The following RPRD1B variants were observed in gnomAD, a reference collection of about 807,000 sequenced individuals.
RPRD1B encodes regulation of nuclear pre-mRNA domain-containing protein 1B.
In RPRD1B, 11 loss-of-function variants were observed where a neutral mutation model predicts 41.5. The observed-to-expected ratio is 0.27, with a 90% CI of 0.17 to 0.44. RPRD1B has a LOEUF of 0.44. Among genes scored for constraint, RPRD1B ranks in the 20% least tolerant of loss-of-function variants. The pLI, the probability that RPRD1B is intolerant of heterozygous loss-of-function variation, is 1.00. For synonymous variants in RPRD1B, 158 were observed against 155.6 expected (o/e 1.02, Z -0.12); for missense variants, 248 against 389.9 (o/e 0.64, Z 3.06).
chr20:38,070,823 C>G, intron 6 of RPRD1B: 2 of 760,988 alleles, frequency 2.6e-6, no homozygotes, highest in Non-Finnish European at 3.2e-6. Flanking sequence ...TCACTGCCTC[C>G]CGGGTTCAAG....
chr20:38,087,477 G>C (rs1263486414), intron 6 of RPRD1B, among the ~76,000 whole-genome samples: 1 of 152,124 alleles, frequency 6.6e-6, no homozygotes, highest in Non-Finnish European at 1.5e-5. Context: ...CAACTGAAGG[G>C]CTCCCTAGTT....
intron 6 of RPRD1B, among the ~76,000 whole-genome samples, chr20:38,086,167 T>G (rs887184761): frequency 6.7e-6 from 1 of 148,906 alleles, no homozygotes; most frequent in Non-Finnish European, 1.5e-5. Context: ...TACAGATGAC[T>G]TTGTTTGGAA....
At chr20:38,068,147 T>G (rs2074376064) in intron 6 of RPRD1B, among the ~76,000 whole-genome samples, 1 of 152,206 alleles carries the variant, frequency 6.6e-6, no homozygotes, top group South Asian at 2.1e-4. Flanking sequence ...AGAAACAGAT[T>G]AGAGCTTTGG....
Position 38,091,402 on chromosome 20 carries a change from GA to G in RPRD1B, c.*1531del. 1.0e-6 allele frequency: 1 copy of G among 985,398 alleles called. No homozygotes were observed. Among genetic ancestry groups the G allele is most frequent in the East Asian group, 1.1e-4 (1 of 8,810 alleles). The allele number at this position is 985,398 out of a possible 1,614,324, so 61.0% of individuals were successfully genotyped here. On this transcript the variant is annotated 3_prime_UTR_variant, in exon 7 of 7. Coordinates refer to ENST00000373433, the MANE Select transcript of RPRD1B (RefSeq NM_021215.4). ...CTGCTTGTCATGAAGTGAGAACAAT[GA>G]AAAGTCATAGCAGATACTCAGTTTA...
Position 38,090,176 on chromosome 20 carries a change from G to A in RPRD1B, c.*301G>A. 1 of 1,060,252 alleles carries A rather than the reference G, an allele frequency of 9.4e-7. No individual in the cohort carries two copies. Among genetic ancestry groups the A allele is most frequent in the Non-Finnish European group, 1.1e-6 (1 of 878,144 alleles). The allele number at this position is 1,060,252 out of a possible 1,614,324, so 65.7% of individuals were successfully genotyped here. A position where few individuals can be genotyped will look rare whatever the true frequency, so the allele number is the denominator to read the frequency against. ...TTCTTAACTGTCTCCTTATACCTAA[G>A]AAGTTATGAAAATCATGTGTACTTC... On this transcript the variant is annotated 3_prime_UTR_variant, in exon 7 of 7. Coordinates refer to ENST00000373433, the MANE Select transcript of RPRD1B (RefSeq NM_021215.4).
chr20:38,038,499 T>TGTTG (rs1211343307), intron 1 of RPRD1B, among the ~76,000 whole-genome samples: 1 of 136,412 alleles, frequency 7.3e-6, no homozygotes, highest in Admixed American at 7.2e-5. Context: ...TGTTTTTTTT[T>TGTTG]TTTTTTTTTT....
intron 6 of RPRD1B, among the ~76,000 whole-genome samples, chr20:38,084,090 C>A (rs2074538972): frequency 6.7e-6 from 1 of 150,114 alleles, no homozygotes; most frequent in Non-Finnish European, 1.5e-5. Flanking sequence ...AGTGTAGGTC[C>A]TGTGGCTTTA....
chr20:38,057,354 T>C (rs961253470), intron 3 of RPRD1B, among the ~76,000 whole-genome samples, 178 bp from the exon 4 acceptor site: 1 of 152,206 alleles, frequency 6.6e-6, no homozygotes, highest in African/African-American at 2.4e-5. Context: ...TTTGACTCTT[T>C]TCAGTAATGT....
At chr20:38,081,059 T>G (rs2074507968) in intron 6 of RPRD1B, among the ~76,000 whole-genome samples, 1 of 152,226 alleles carries the variant, frequency 6.6e-6, no homozygotes, top group South Asian at 2.1e-4. Context: ...TTTTTGTTAG[T>G]AGATGCTGTG....
At chr20:38,051,578 C>T (rs1600401188) in intron 3 of RPRD1B, among the ~76,000 whole-genome samples, 1 of 152,126 alleles carries the variant, frequency 6.6e-6, no homozygotes, top group East Asian at 1.9e-4. Flanking sequence ...TGGTAAGTGG[C>T]GAATTCCCAG....
intron 3 of RPRD1B, among the ~76,000 whole-genome samples, chr20:38,054,341 C>T (rs1399114315): frequency 6.6e-6 from 1 of 152,116 alleles, no homozygotes; most frequent in Non-Finnish European, 1.5e-5. Flanking sequence ...TAGGAGGAAA[C>T]TGGAAAAATA....
At chr20:38,083,870 C>A (rs1232523143) in intron 6 of RPRD1B, 1 of 152,242 alleles carries the variant, frequency 6.6e-6, no homozygotes, top group Middle Eastern at 3.4e-3. Flanking sequence ...TGTGTCATTT[C>A]GAAACGTCAC....
chr20:38,067,368 TAGAG>T (rs1271343161), intron 6 of RPRD1B, among the ~76,000 whole-genome samples: 1 of 152,206 alleles, frequency 6.6e-6, no homozygotes, highest in African/African-American at 2.4e-5. Context: ...ACTTCTGAGT[TAGAG>T]AGCCAGTCAT....
intron 1 of RPRD1B, among the ~76,000 whole-genome samples, chr20:38,037,794 C>G (rs138100906): frequency 6.6e-6 from 1 of 151,782 alleles, no homozygotes; most frequent in East Asian, 1.9e-4. Flanking sequence ...CCTTGTTTGT[C>G]TACTGAGAAG....
chr20:38,042,833 A>G (rs2074080763), intron 2 of RPRD1B, among the ~76,000 whole-genome samples: 1 of 151,734 alleles, frequency 6.6e-6, no homozygotes, highest in Non-Finnish European at 1.5e-5. Context: ...TTTTATGATA[A>G]AAGACACCTC....
chr20:38,080,866 G>A (rs1267390621), intron 6 of RPRD1B, among the ~76,000 whole-genome samples: 1 of 152,068 alleles, frequency 6.6e-6, no homozygotes, highest in Non-Finnish European at 1.5e-5. Context: ...CTGTTCCATT[G>A]GTCTTTGTAT....
chr20:38,090,261 T>A lies in RPRD1B; in HGVS notation c.*386T>A. On this transcript the variant is annotated 3_prime_UTR_variant, in exon 7 of 7. Transcript: ENST00000373433. The stretch of plus-strand genomic sequence containing the variant: ...AGCATTTTATCATGAAAGCAGCTTC[T>A]CCTTTCTGGGCTGGGCTTGTTCAAG... The A allele has an allele frequency of 2.0e-6, 2 of 991,258 alleles. No homozygotes were observed. The allele number at this position is 991,258 out of a possible 1,614,324, so 61.4% of individuals were successfully genotyped here.
At chr20:38,062,781 C>T (rs1033343837) in intron 5 of RPRD1B, among the ~76,000 whole-genome samples, 3 of 150,058 alleles carry the variant, frequency 2.0e-5, no homozygotes, top group Non-Finnish European at 3.0e-5. Context: ...TCTCCCGCTC[C>T]ACATAACACC....
Position 38,089,994 on chromosome 20 carries a change from C to T in RPRD1B, c.*119C>T. 1 of 1,475,264 alleles carries T rather than the reference C, an allele frequency of 6.8e-7. No homozygotes were observed. The allele number at this position is 1,475,264 out of a possible 1,614,324, so 91.4% of individuals were successfully genotyped here. On this transcript the variant is annotated 3_prime_UTR_variant, in exon 7 of 7. Transcript: ENST00000373433. The stretch of plus-strand genomic sequence containing the variant: ...CTTCTTCCGCCCAGCCCCCCAGCCT[C>T]AAGAAAGAACCTCAGACTCTGATTC...
Sources: gnomAD v4.1 joint callset for allele counts (sites outside exome capture counted in the v4.1 genomes callset) on GRCh38, gnomAD v4.1.1 for gene constraint, MANE v1.5 for transcripts, NCBI Gene and HGNC (gene_info 2026-07-23, HGNC 2026-07-21) for gene names.